The following ZNF678 variants were observed in gnomAD, a reference collection of about 807,000 sequenced individuals.
ZNF678 encodes the protein zinc finger protein 678.
In ZNF678, 5 loss-of-function variants were observed where a neutral mutation model predicts 3.0. That is an observed-to-expected ratio of 1.69 (90% CI 0.88 to 3.56). The LOEUF (loss-of-function observed/expected upper bound fraction) is 3.56, where lower values mean the gene tolerates loss of function less well. Ranked by LOEUF, ZNF678 falls within the 30% of genes most tolerant of loss-of-function variation. The probability of loss-of-function intolerance (pLI) is 0.00; values close to 1 mark genes in which losing one functional copy is unlikely to be tolerated. For synonymous variants in ZNF678, 218 were observed against 199.6 expected (o/e 1.09, Z -0.78); for missense variants, 593 against 605.0 (o/e 0.98, Z 0.21).
intron 1 of ZNF678, among the ~76,000 whole-genome samples, chr1:227,613,629 A>G (rs1308688933): frequency 3.3e-5 from 5 of 152,180 alleles, no homozygotes; most frequent in African/African-American, 1.2e-4. Context: ...TAAGATTTCA[A>G]ACTCACAAAC....
chr1:227,598,863 A>C (rs1487750445), intron 1 of ZNF678: 1 of 634,312 alleles, frequency 1.6e-6, no homozygotes, highest in Non-Finnish European at 3.0e-6. Context: ...ATACCTACCA[A>C]ATTTATTCTT....
chr1:227,617,134 A>G (rs1217014451), intron 1 of ZNF678, among the ~76,000 whole-genome samples: 1 of 152,212 alleles, frequency 6.6e-6, no homozygotes, highest in Non-Finnish European at 1.5e-5. Flanking sequence ...CTTTTGATAG[A>G]AAGTTCTTGG....
rs543940257 is a variant in ZNF678, at chr1:227,585,095, T to C, written c.-164+21371T>C. Among the ~76,000 whole-genome samples the C allele has an allele frequency of 7.2e-5, 11 of 152,338 alleles. No individual in the cohort carries two copies. The South Asian group carries it at 2.1e-3, about 29-fold the overall frequency. On this transcript the variant is annotated intron_variant, in intron 1 of 3. Coordinates refer to ENST00000343776, the MANE Select transcript of ZNF678 (RefSeq NM_001367909.1). ...AAGAAGAGACAAATTTTTTCTATTA[T>C]GTTTTACTTGAAAATGTGATTTAAG...
intron 1 of ZNF678, among the ~76,000 whole-genome samples, chr1:227,632,418 G>A (rs1364386878): frequency 6.6e-6 from 1 of 152,162 alleles, no homozygotes; most frequent in East Asian, 1.9e-4. Flanking sequence ...GGGTCAAAAG[G>A]AGAGGTAGGG....
intron 5 of ZNF678, among the ~76,000 whole-genome samples, chr1:227,677,027 G>A (rs188116098): frequency 1.2e-4 from 19 of 152,260 alleles, no homozygotes; most frequent in African/African-American, 2.6e-4. Context: ...AATCCTTTGG[G>A]TATATACCCA....
chr1:227,587,139 T>C (rs1369477001), intron 1 of ZNF678, among the ~76,000 whole-genome samples: 1 of 152,232 alleles, frequency 6.6e-6, no homozygotes, highest in Non-Finnish European at 1.5e-5. Flanking sequence ...AGAAGTGTTA[T>C]GTCTTACTTG....
At chr1:227,674,905 T>C (rs1321444331) in intron 5 of ZNF678, among the ~76,000 whole-genome samples, 1 of 152,242 alleles carries the variant, frequency 6.6e-6, no homozygotes, top group Non-Finnish European at 1.5e-5. Context: ...TTTCTATTTC[T>C]ATCTACAATT....
At chr1:227,599,150 C>A in intron 1 of ZNF678, 1 of 1,303,556 alleles carries the variant, frequency 7.7e-7, no homozygotes, top group Non-Finnish European at 1.1e-6. Context: ...GAACATATTC[C>A]TCCAGTTCTA....
At position 227,656,887 on chromosome 1, in the gene ZNF678, T is replaced by C. The variant is rs1659262331; in HGVS notation, c.*1059T>C. ...ATATCTTGCCACAATAATTAACCTATACCACCTTACCCAAAGTTGTAGGTA... is the reference window on the plus strand; with the variant it reads ...ATATCTTGCCACAATAATTAACCTACACCACCTTACCCAAAGTTGTAGGTA... On this transcript the variant is annotated 3_prime_UTR_variant, in exon 4 of 4. Coordinates refer to ENST00000343776, the MANE Select transcript of ZNF678 (RefSeq NM_001367909.1). The C allele has an allele frequency of 6.6e-6, 1 of 152,008 alleles. No individual in the cohort carries two copies. The highest frequency in any genetic ancestry group is 2.1e-4 in the South Asian group (1 of 4,822). 9.4% of individuals were successfully genotyped at this position (152,008 alleles called of 1,614,324 possible).
At chr1:227,620,579 G>A (rs983462532) in intron 1 of ZNF678, among the ~76,000 whole-genome samples, 1 of 152,190 alleles carries the variant, frequency 6.6e-6, no homozygotes, top group Non-Finnish European at 1.5e-5. Context: ...AGACTGCTGT[G>A]TGAAAGACTC....
intron 1 of ZNF678, among the ~76,000 whole-genome samples, chr1:227,635,401 A>G (rs2102785192): frequency 6.6e-6 from 1 of 152,336 alleles, no homozygotes; most frequent in Non-Finnish European, 1.5e-5. Context: ...ATCTTATGTC[A>G]TGAAGAAATA....
At chr1:227,666,643 CAG>C (rs1193233741), downstream of ZNF678, among the ~76,000 whole-genome samples, 2 of 151,980 alleles carry the variant, frequency 1.3e-5, no homozygotes, top group East Asian at 1.9e-4. Flanking sequence ...TGCAGTTCGA[CAG>C]GGGATATCCT....
chr1:227,617,292 A>T (rs1658164958), intron 1 of ZNF678, among the ~76,000 whole-genome samples: 1 of 152,194 alleles, frequency 6.6e-6, no homozygotes, highest in Non-Finnish European at 1.5e-5. Context: ...ATCAAATGAG[A>T]GTAGCATGTG....
At position 227,638,037 on chromosome 1, in the gene ZNF678, A is replaced by G. The variant is rs1236383871; in HGVS notation, c.-163-8507A>G. On this transcript the variant is annotated intron_variant, in intron 1 of 3. Transcript: ENST00000343776. The surrounding 1 kb of genome is among the most constrained non-coding windows in gnomAD (Gnocchi z 4.2). ...GAGCAGATTGTTAACATATTGAAGG[A>G]GAGTGGACGGTTTTAGGGATAAGGT... Among the ~76,000 whole-genome samples, 2 of 152,056 alleles carry G rather than the reference A, an allele frequency of 1.3e-5. No individual in the cohort carries two copies. Among genetic ancestry groups the G allele is most frequent in the South Asian group, 4.1e-4 (2 of 4,824 alleles).
intron 1 of ZNF678, among the ~76,000 whole-genome samples, chr1:227,592,786 C>T (rs1657450286): frequency 6.6e-6 from 1 of 152,194 alleles, no homozygotes; most frequent in Non-Finnish European, 1.5e-5. Flanking sequence ...TATTTCTTCT[C>T]CCTCTGGTTG....
Position 227,654,522 on chromosome 1 carries a change from C to A in ZNF678, c.272C>A (p.Ser91Ter), listed in dbSNP as rs1270859509. The A allele has an allele frequency of 6.2e-7, 1 of 1,613,236 alleles. No homozygotes were observed. Among genetic ancestry groups the A allele is most frequent in the East Asian group, 2.2e-5 (1 of 44,832 alleles). ...EYCNRLTQCS[S>*]TKSKIFQCIE... is the part of the protein sequence containing the mutation. ...TGCAATAGACTTACTCAATGTTCAT[C>A]AACTAAAAGCAAAATCTTTCAATGT... The change falls in exon 4 of 4, where the codon TCA (serine) becomes TAA (stop). Residue 91 changes from serine (S) to a stop codon, truncating the protein, a stop_gained. Coordinates refer to ENST00000343776, the MANE Select transcript of ZNF678 (RefSeq NM_001367909.1). LOFTEE classifies it low-confidence loss of function (END_TRUNC).
At chr1:227,576,015 T>C (rs1656979571) in intron 1 of ZNF678, among the ~76,000 whole-genome samples, 1 of 152,240 alleles carries the variant, frequency 6.6e-6, no homozygotes, top group Admixed American at 6.5e-5. Flanking sequence ...GTTATTTTTG[T>C]CTATAGTTCT....
Position 227,654,965 on chromosome 1 carries a change from T to C in ZNF678, c.715T>C (p.Cys239Arg), listed in dbSNP as rs1315574761. 4 of 1,612,386 alleles carry C rather than the reference T, an allele frequency of 2.5e-6. No homozygotes were observed. The highest frequency in any genetic ancestry group is 3.4e-6 in the Non-Finnish European group (4 of 1,179,450). Residue 239 changes from cysteine (C) to arginine (R), a missense_variant, in exon 4 of 4, where the codon TGC becomes CGC. Physicochemically the swap from Cys to Arg is radical, Grantham distance 180 (BLOSUM62 -3). Transcript: ENST00000343776. The part of the protein sequence containing the change: ...RIHTGEKPYK[C>R]KECCKAFNKF... ...TCATACTGGAGAGAAACCCTACAAA[T>C]GCAAAGAATGTTGCAAAGCCTTTAA...
chr1:227,653,947 T>C (rs1558156777), intron 3 of ZNF678, among the ~76,000 whole-genome samples: 2 of 152,052 alleles, frequency 1.3e-5, no homozygotes, highest in Non-Finnish European at 2.9e-5. Context: ...ACATGTGCAA[T>C]GTATTGTTTT....
Sources: gnomAD v4.1 joint callset for allele counts (sites outside exome capture counted in the v4.1 genomes callset) on GRCh38, gnomAD v4.1.1 for gene constraint, Gnocchi (gnomAD v3.1) non-coding constraint, MANE v1.5 for transcripts, NCBI Gene and HGNC (gene_info 2026-07-23, HGNC 2026-07-21) for gene names.